QRFPR: variants seen among roughly 807,000 people sequenced by gnomAD.
QRFPR encodes pyroglutamylated RFamide peptide receptor.
A neutral mutation model predicts 31.3 loss-of-function variants in QRFPR; 37 were observed. That is an observed-to-expected ratio of 1.18 (90% CI 0.91 to 1.56). The LOEUF is 1.56. Ranked by LOEUF, QRFPR falls within the 40% of genes most tolerant of loss-of-function variation. The pLI, the probability that QRFPR is intolerant of heterozygous loss-of-function variation, is 0.00. For synonymous variants in QRFPR, 197 were observed against 192.0 expected (o/e 1.03, Z -0.22); for missense variants, 542 against 532.5 (o/e 1.02, Z -0.18).
At position 121,359,456 on chromosome 4, in the gene QRFPR, C is replaced by T. The variant is rs1049789831; in HGVS notation, c.341-18846G>A. On this transcript the variant is annotated intron_variant, in intron 1 of 5. Transcript: ENST00000394427. The stretch of plus-strand genomic sequence containing the variant: ...AAAAACTTGAAAAGGCGAGACTGGC[C>T]CAGTCTCCCAGCCTGCATCTTTCTC... Among the ~76,000 whole-genome samples the T allele has an allele frequency of 5.3e-5, 8 of 152,084 alleles. No individual in the cohort carries two copies. The South Asian group carries it at 1.0e-3, about 20-fold the overall frequency.
At chr4:121,343,724 C>T (rs760161867) in intron 1 of QRFPR, among the ~76,000 whole-genome samples, 4 of 152,084 alleles carry the variant, frequency 2.6e-5, no homozygotes, top group Admixed American at 2.0e-4. Flanking sequence ...TACTTTTTAA[C>T]ATTTTATAAA....
At chr4:121,355,307 G>C (rs932408365) in intron 1 of QRFPR, among the ~76,000 whole-genome samples, 1 of 151,858 alleles carries the variant, frequency 6.6e-6, no homozygotes, top group East Asian at 1.9e-4. Flanking sequence ...ATAGGTTATA[G>C]GTGTCTAGGA....
In QRFPR at chr4:121,380,851, G is replaced by A; in HGVS notation, c.-204C>T. ...CAGGGATCAAACCCACGATAAAGAGGCGGGAAGCCAAAGCACTGGGAGACT... is the reference window on the plus strand; with the variant it reads ...CAGGGATCAAACCCACGATAAAGAGACGGGAAGCCAAAGCACTGGGAGACT... On this transcript the variant is annotated 5_prime_UTR_variant, in exon 1 of 6. Coordinates refer to ENST00000394427, the MANE Select transcript of QRFPR (RefSeq NM_198179.3). 1 of 551,930 alleles carries A rather than the reference G, an allele frequency of 1.8e-6. No homozygotes were observed. The highest frequency in any genetic ancestry group is 3.2e-6 in the Non-Finnish European group (1 of 314,590). The allele number at this position is 551,930 out of a possible 1,614,324, so 34.2% of individuals were successfully genotyped here.
At chr4:121,348,840 A>G (rs1725709686) in intron 1 of QRFPR, among the ~76,000 whole-genome samples, 2 of 152,194 alleles carry the variant, frequency 1.3e-5, no homozygotes, top group South Asian at 2.1e-4. Context: ...GCTCATGCCT[A>G]TAATCCCAGC....
intron 1 of QRFPR, among the ~76,000 whole-genome samples, chr4:121,370,715 C>T (rs978456391): frequency 1.3e-5 from 2 of 152,018 alleles, no homozygotes; most frequent in Admixed American, 6.5e-5. Flanking sequence ...TTTTTTAAAA[C>T]GTTAACATAT....
At chr4:121,336,452 C>T (rs536386960) in intron 3 of QRFPR, among the ~76,000 whole-genome samples, 18 of 152,064 alleles carry the variant, frequency 1.2e-4, no homozygotes, top group Non-Finnish European at 1.9e-4. Context: ...TTTTACGTGA[C>T]TTAAAAATAA....
chr4:121,357,238 T>C (rs961788821), intron 1 of QRFPR, among the ~76,000 whole-genome samples: 1 of 152,068 alleles, frequency 6.6e-6, no homozygotes, highest in African/African-American at 2.4e-5. Context: ...TTGTCTGCAT[T>C]CCTTGGCAGA....
chr4:121,330,165 A>G (rs1052484684), intron 5 of QRFPR, among the ~76,000 whole-genome samples: 8 of 152,216 alleles, frequency 5.3e-5, no homozygotes, highest in Non-Finnish European at 1.2e-4. Flanking sequence ...CAAAGTTTAA[A>G]TAGCCTAGGG....
At chr4:121,344,577 T>A (rs183564993) in intron 1 of QRFPR, among the ~76,000 whole-genome samples, 5 of 152,308 alleles carry the variant, frequency 3.3e-5, no homozygotes, top group African/African-American at 1.2e-4. Flanking sequence ...ATTTGAGTTC[T>A]TTTAAAAATA....
chr4:121,378,477 A>C (rs1726401442), intron 1 of QRFPR, among the ~76,000 whole-genome samples: 1 of 135,850 alleles, frequency 7.4e-6, no homozygotes, highest in African/African-American at 2.9e-5. Context: ...CAGTAGCGTG[A>C]TCTCGGCTCA....
At chr4:121,333,191 C>G (rs1725369079) in intron 3 of QRFPR, 135 bp from the exon 4 acceptor site, 1 of 609,422 alleles carries the variant, frequency 1.6e-6, no homozygotes, top group East Asian at 2.8e-5. Context: ...AAATGAGATA[C>G]ATTTTTAATT....
chr4:121,370,069 T>C (rs1019574218), intron 1 of QRFPR: 2 of 772,126 alleles, frequency 2.6e-6, no homozygotes, highest in African/African-American at 1.7e-5. Flanking sequence ...CACTGGGAGC[T>C]TGTCCACACT....
At chr4:121,350,395 G>T (rs147833976) in intron 1 of QRFPR, among the ~76,000 whole-genome samples, 3 of 152,084 alleles carry the variant, frequency 2.0e-5, no homozygotes, top group Admixed American at 2.0e-4. Context: ...GGCTCTCCCC[G>T]TTATCACTAT....
At chr4:121,372,762 C>T (rs1726276022) in intron 1 of QRFPR, among the ~76,000 whole-genome samples, 1 of 152,184 alleles carries the variant, frequency 6.6e-6, no homozygotes, top group Non-Finnish European at 1.5e-5. Context: ...GAACTTCATT[C>T]CCTTTCATGC....
At position 121,365,184 on chromosome 4, in the gene QRFPR, A is replaced by G. The variant is rs1397835626; in HGVS notation, c.340+15124T>C. Among the ~76,000 whole-genome samples the G allele has an allele frequency of 2.0e-5, 3 of 148,936 alleles. 1 individual carries two copies. Among genetic ancestry groups the G allele is most frequent in the Non-Finnish European group, 4.4e-5 (3 of 67,448 alleles). On this transcript the variant is annotated intron_variant, in intron 1 of 5. Transcript: ENST00000394427. The stretch of plus-strand genomic sequence containing the variant: ...GATAAATACAATCTCATCCTTATAC[A>G]CAACACAAAAAAGGAATATAACTGA...
chr4:121,377,647 A>T (rs1726382405), intron 1 of QRFPR, among the ~76,000 whole-genome samples: 1 of 152,188 alleles, frequency 6.6e-6, no homozygotes, highest in South Asian at 2.1e-4. Flanking sequence ...TGAACATCAC[A>T]TCCTTCAGGA....
At chr4:121,346,481 A>G (rs570793408) in intron 1 of QRFPR, among the ~76,000 whole-genome samples, 3 of 152,312 alleles carry the variant, frequency 2.0e-5, no homozygotes, top group African/African-American at 7.2e-5. Context: ...AAATAATGTC[A>G]TCTGCAAATA....
chr4:121,377,971 G>T (rs1726388240), intron 1 of QRFPR, among the ~76,000 whole-genome samples: 1 of 151,960 alleles, frequency 6.6e-6, no homozygotes, highest in African/African-American at 2.4e-5. Flanking sequence ...TTTTCATATT[G>T]ATCTCTAGCC....
chr4:121,334,928 G>A (rs974861831), intron 3 of QRFPR, among the ~76,000 whole-genome samples: 18 of 152,278 alleles, frequency 1.2e-4, no homozygotes, highest in Non-Finnish European at 2.1e-4. Flanking sequence ...ATCTGAAATC[G>A]AAGAGTGAAG....
Sources: gnomAD v4.1 joint callset for allele counts (sites outside exome capture counted in the v4.1 genomes callset) on GRCh38, gnomAD v4.1.1 for gene constraint, MANE v1.5 for transcripts, NCBI Gene and HGNC (gene_info 2026-07-23, HGNC 2026-07-21) for gene names.